Variants in DYNLT4 observed in about 807,000 individuals in gnomAD.
The protein encoded by DYNLT4 is Tctex1 domain containing 4.
A neutral mutation model predicts 1.5 loss-of-function variants in DYNLT4; 3 were observed. That is an observed-to-expected ratio of 1.97 (90% CI 0.90 to 5.08). DYNLT4 has a LOEUF of 5.08. DYNLT4 is among the 30% of genes most tolerant of loss of function. The probability of loss-of-function intolerance (pLI) is 0.02; values close to 1 mark genes in which losing one functional copy is unlikely to be tolerated. For synonymous variants in DYNLT4, 181 were observed against 160.0 expected (o/e 1.13, Z -0.99); for missense variants, 346 against 341.0 (o/e 1.01, Z -0.12).
In DYNLT4 at chr1:44,805,961, C is replaced by T; in HGVS notation, c.*42G>A. The T allele has an allele frequency of 6.6e-7, 1 of 1,512,442 alleles. No individual in the cohort carries two copies. The highest frequency in any genetic ancestry group is 8.8e-7 in the Non-Finnish European group (1 of 1,130,324). The allele number at this position is 1,512,442 out of a possible 1,614,324, so 93.7% of individuals were successfully genotyped here. On this transcript the variant is annotated 3_prime_UTR_variant, in exon 3 of 3. Coordinates refer to ENST00000339355, the MANE Select transcript of DYNLT4 (RefSeq NM_001377534.1). ...TGGGATGTGAGCCCCAGGGGGGCCT[C>T]CTCCTAGGATAATAAACAATTTTGC...
chr1:44,807,335 C>T lies in DYNLT4; in HGVS notation c.-77G>A, dbSNP rs768175149. ...AACTCCCTCAGGCACCTGAGTCACC[C>T]GCAGGCTTTGGCTTCTGAGTTCTGT... On this transcript the variant is annotated 5_prime_UTR_variant, in exon 1 of 3. Transcript: ENST00000339355. 1.8e-4 allele frequency among the ~76,000 whole-genome samples: 28 copies of T among 152,368 alleles called. No individual in the cohort carries two copies. The highest frequency in any genetic ancestry group is 3.5e-4 in the Non-Finnish European group (24 of 68,034).
chr1:44,805,940 A>C lies in DYNLT4; in HGVS notation c.*63T>G. On this transcript the variant is annotated 3_prime_UTR_variant, in exon 3 of 3. Transcript: ENST00000339355. ...TATTGTCAGACACTTATTTATTGGG[A>C]TGTGAGCCCCAGGGGGGCCTCCTCC... 2.0e-6 allele frequency: 3 copies of C among 1,500,104 alleles called. No homozygotes were observed. Among genetic ancestry groups the C allele is most frequent in the East Asian group, 2.3e-5 (1 of 42,904 alleles). 92.9% of individuals were successfully genotyped at this position (1,500,104 alleles called of 1,614,324 possible).
intron 1 of DYNLT4, chr1:44,807,075 G>A (rs368121752): frequency 3.0e-6 from 3 of 985,370 alleles, no homozygotes; most frequent in East Asian, 1.1e-4. Context: ...CCCTAACCAG[G>A]AAGGACTGAC....
chr1:44,806,904 C>T (rs565907486), intron 1 of DYNLT4, 66 bp from the exon 2 acceptor site: 1 of 985,394 alleles, frequency 1.0e-6, no homozygotes, highest in South Asian at 4.7e-5. Flanking sequence ...CTGGGATCCT[C>T]GGCTAGTCCT....
chr1:44,806,212 A>T lies in DYNLT4; in HGVS notation c.457T>A (p.Cys153Ser). 6.5e-7 allele frequency: 1 copy of T among 1,540,800 alleles called. No homozygotes were observed. Among genetic ancestry groups the T allele is most frequent in the South Asian group, 1.2e-5 (1 of 84,518 alleles). The change falls in exon 3 of 3, where the codon TGC becomes AGC. Residue 153 changes from cysteine (C) to serine (S), a missense_variant. Cys to Ser is a moderately radical substitution (Grantham distance 112). Coordinates refer to ENST00000339355, the MANE Select transcript of DYNLT4 (RefSeq NM_001377534.1). The part of the protein sequence containing the change: ...DEAARLVREL[C>S]EQVHVRLREL... ...CGCAGGCGAACGTGCACCTGCTCGC[A>T]GAGCTCCCGCACCAGCCGCGCGGCC... is the stretch of plus-strand genomic sequence containing the variant.
chr1:44,807,128 G>A (rs1027647300), intron 1 of DYNLT4, 197 bp downstream of exon 1: 43 of 985,232 alleles, frequency 4.4e-5, no homozygotes, highest in Non-Finnish European at 5.2e-5. Context: ...CAGCCCTGGG[G>A]GTGTTGAATC....
intron 1 of DYNLT4, 138 bp from the exon 2 acceptor site, chr1:44,806,976 A>G (rs1440776984): frequency 1.0e-6 from 1 of 985,220 alleles, no homozygotes; most frequent in Non-Finnish European, 1.2e-6. Context: ...GGAGTCTTAG[A>G]GACTGCCATT....
chr1:44,806,376 A>G lies in DYNLT4; in HGVS notation c.293T>C (p.Leu98Pro). ...GGGCGCCACCCAACGGGCGGGCGCC[A>G]GGGGCAACCCTGAGAAGCTGACCCT... is the stretch of plus-strand genomic sequence containing the variant. The part of the protein sequence containing the change: ...GSRVSFSGLP[L>P]APARWVAPSY... Residue 98 changes from leucine (L) to proline (P), a missense_variant, in exon 3 of 3, where the codon CTG becomes CCG. Leu to Pro is a moderately conservative substitution (Grantham distance 98, BLOSUM62 -3). Coordinates refer to ENST00000339355, the MANE Select transcript of DYNLT4 (RefSeq NM_001377534.1). 4 of 1,526,482 alleles carry G rather than the reference A, an allele frequency of 2.6e-6. No homozygotes were observed. The highest frequency in any genetic ancestry group is 2.5e-5 in the East Asian group (1 of 39,500). The allele number at this position is 1,526,482 out of a possible 1,614,324, so 94.6% of individuals were successfully genotyped here.
Position 44,806,438 on chromosome 1 carries a change from C to A in DYNLT4, c.231G>T (p.Gln77His). Residue 77 changes from glutamine to histidine, a missense_variant, in exon 3 of 3, where the codon CAG (glutamine) becomes CAT (histidine). Physicochemically the swap from Gln to His is conservative, Grantham distance 24 (BLOSUM62 0). Coordinates refer to ENST00000339355, the MANE Select transcript of DYNLT4 (RefSeq NM_001377534.1). ...GGGGCACCGGGCCCAGGGATGGCCGCTGACCCCCAGGACCCGCGCCTGGCC... is the reference window on the plus strand; with the variant it reads ...GGGGCACCGGGCCCAGGGATGGCCGATGACCCCCAGGACCCGCGCCTGGCC... ...LVGPGAGPGG[Q>H]RPSLGPVPPL... 1 of 1,521,572 alleles carries A rather than the reference C, an allele frequency of 6.6e-7. No individual in the cohort carries two copies. Among genetic ancestry groups the A allele is most frequent in the Non-Finnish European group, 8.8e-7 (1 of 1,140,264 alleles). The allele number at this position is 1,521,572 out of a possible 1,614,324, so 94.3% of individuals were successfully genotyped here.
Position 44,806,854 on chromosome 1 carries a change from G to T in DYNLT4, c.-66-16C>A, listed in dbSNP as rs1049491454. The T allele has an allele frequency of 3.0e-6, 3 of 985,322 alleles. No homozygotes were observed. The highest frequency in any genetic ancestry group is 3.5e-5 in the African/African-American group (2 of 57,240). 61.0% of individuals were successfully genotyped at this position (985,322 alleles called of 1,614,324 possible). On this transcript the variant is annotated splice_polypyrimidine_tract_variant and intron_variant, in intron 1 of 2. Transcript: ENST00000339355. ...TTCCTAGGTGCTGAGAAGGTTAAAGGCTGTTAGACACATGAGCAGGGGACA... is the reference window on the plus strand; with the variant it reads ...TTCCTAGGTGCTGAGAAGGTTAAAGTCTGTTAGACACATGAGCAGGGGACA...
chr1:44,806,633 C>G lies in DYNLT4; in HGVS notation c.36G>C (p.Glu12Asp). Residue 12 changes from glutamate (E) to aspartate (D), a missense_variant, in exon 3 of 3, where the codon GAG becomes GAC. Physicochemically the swap from Glu to Asp is conservative, Grantham distance 45. Coordinates refer to ENST00000339355, the MANE Select transcript of DYNLT4 (RefSeq NM_001377534.1). The part of the protein sequence containing the change: ...ASRPLPPGRQ[E>D]EENAKDSGRK... The stretch of plus-strand genomic sequence containing the variant: ...GCCCGGAGTCTTTGGCATTCTCCTC[C>G]TCCTGGCGTCCCGGGGGCAGAGGCC... 6.8e-7 allele frequency: 1 copy of G among 1,467,890 alleles called. No individual in the cohort carries two copies. The highest frequency in any genetic ancestry group is 9.0e-7 in the Non-Finnish European group (1 of 1,112,902). 90.9% of individuals were successfully genotyped at this position (1,467,890 alleles called of 1,614,324 possible).
In DYNLT4 at chr1:44,806,570, G is replaced by A; in HGVS notation, c.99C>T (p.Pro33=). 6.7e-7 allele frequency: 1 copy of A among 1,500,546 alleles called. No homozygotes were observed. Among genetic ancestry groups the A allele is most frequent in the Non-Finnish European group, 8.9e-7 (1 of 1,127,150 alleles). The allele number at this position is 1,500,546 out of a possible 1,614,324, so 93.0% of individuals were successfully genotyped here. The part of the protein sequence containing the change: ...PSPVRPRGCL[P]SIDEARPAGP... ...CTGCCGGTCGGGCCTCATCAATGCT[G>A]GGCAGGCAGCCTCGGGGCCGCACCG... Residue 33 remains proline (P), a synonymous_variant, in exon 3 of 3, where the codon CCC becomes CCT. Transcript: ENST00000339355.
chr1:44,806,552 T>C lies in DYNLT4; in HGVS notation c.117A>G (p.Arg39=). The change falls in exon 3 of 3, where the codon CGA becomes CGG. Residue 39 remains arginine, a synonymous_variant. Transcript: ENST00000339355. ...CCGGGGCTGGACCTGGACCTGCCGG[T>C]CGGGCCTCATCAATGCTGGGCAGGC... ...RGCLPSIDEA[R]PAGPGPAPAS... 6.7e-7 allele frequency: 1 copy of C among 1,499,844 alleles called. No individual in the cohort carries two copies. The highest frequency in any genetic ancestry group is 8.9e-7 in the Non-Finnish European group (1 of 1,128,344). 92.9% of individuals were successfully genotyped at this position (1,499,844 alleles called of 1,614,324 possible). A position where few individuals can be genotyped will look rare whatever the true frequency, so the allele number is the denominator to read the frequency against.
intron 2 of DYNLT4, 43 bp downstream of exon 2, chr1:44,806,741 G>A: frequency 7.2e-7 from 1 of 1,388,816 alleles, no homozygotes; most frequent in Non-Finnish European, 9.3e-7. Context: ...CCAGCCTCTT[G>A]CTCAGTGATG....
rs1410795306 is a variant in DYNLT4, at chr1:44,806,472, G to C, written c.197C>G (p.Ser66Trp). ...GLAASFSRRNSLVGPGAGPGG... is the reference protein window; with the variant it reads ...GLAASFSRRNWLVGPGAGPGG... ...AGGACCCGCGCCTGGCCCGACCAGC[G>C]AGTTGCGGCGGGAGAAGGACGCGGC... The change falls in exon 3 of 3, where the codon TCG (serine) becomes TGG (tryptophan). Residue 66 changes from serine (S) to tryptophan (W), a missense_variant. Transcript: ENST00000339355. 2 of 1,522,952 alleles carry C rather than the reference G, an allele frequency of 1.3e-6. No individual in the cohort carries two copies. The highest frequency in any genetic ancestry group is 5.1e-5 in the East Asian group (2 of 39,330). 94.3% of individuals were successfully genotyped at this position (1,522,952 alleles called of 1,614,324 possible). A position where few individuals can be genotyped will look rare whatever the true frequency, so the allele number is the denominator to read the frequency against.
At chr1:44,806,710 C>T (rs1280220572) in intron 2 of DYNLT4, 31 bp from the exon 3 acceptor site, 1 of 1,420,086 alleles carries the variant, frequency 7.0e-7, no homozygotes, top group Non-Finnish European at 9.2e-7. Flanking sequence ...GTGGCCTTCA[C>T]CAGGCATCTG....
rs1289303788 is a variant in DYNLT4, at chr1:44,806,594, C to A, written c.75G>T (p.Pro25=). ...TGGGCAGGCAGCCTCGGGGCCGCAC[C>A]GGTGAGGGTTTCCGCCCGGAGTCTT... is the stretch of plus-strand genomic sequence containing the variant. ...NAKDSGRKPS[P]VRPRGCLPSI... is the part of the protein sequence containing the mutation. Residue 25 remains proline, a synonymous_variant, in exon 3 of 3, where the codon CCG becomes CCT. Transcript: ENST00000339355. 1 of 1,483,394 alleles carries A rather than the reference C, an allele frequency of 6.7e-7. No individual in the cohort carries two copies. Among genetic ancestry groups the A allele is most frequent in the South Asian group, 1.3e-5 (1 of 75,208 alleles). The allele number at this position is 1,483,394 out of a possible 1,614,324, so 91.9% of individuals were successfully genotyped here. A position where few individuals can be genotyped will look rare whatever the true frequency, so the allele number is the denominator to read the frequency against.
Position 44,805,941 on chromosome 1 carries a change from T to C in DYNLT4, c.*62A>G. ...ATTGTCAGACACTTATTTATTGGGA[T>C]GTGAGCCCCAGGGGGGCCTCCTCCT... is the stretch of plus-strand genomic sequence containing the variant. On this transcript the variant is annotated 3_prime_UTR_variant, in exon 3 of 3. Transcript: ENST00000339355. The C allele has an allele frequency of 6.7e-7, 1 of 1,501,432 alleles. No homozygotes were observed. Among genetic ancestry groups the C allele is most frequent in the South Asian group, 1.4e-5 (1 of 73,468 alleles). The allele number at this position is 1,501,432 out of a possible 1,614,324, so 93.0% of individuals were successfully genotyped here. A position where few individuals can be genotyped will look rare whatever the true frequency, so the allele number is the denominator to read the frequency against.
At chr1:44,807,155 A>G (rs935772777) in intron 1 of DYNLT4, 170 bp downstream of exon 1, 8 of 983,906 alleles carry the variant, frequency 8.1e-6, no homozygotes, top group Non-Finnish European at 9.7e-6. Context: ...TCTTCCACCC[A>G]GATCTACTCT....
Sources: gnomAD v4.1 joint callset for allele counts (sites outside exome capture counted in the v4.1 genomes callset) on GRCh38, gnomAD v4.1.1 for gene constraint, MANE v1.5 for transcripts, NCBI Gene and HGNC (gene_info 2026-07-23, HGNC 2026-07-21) for gene names.